Variants in MINDY4 observed in about 807,000 individuals in gnomAD.
MINDY4 encodes the protein MINDY lysine 48 deubiquitinase 4.
In MINDY4, 68 loss-of-function variants were observed where a neutral mutation model predicts 87.0. The ratio of observed to expected loss-of-function variants is 0.78; its 90% CI spans 0.64 to 0.96. The LOEUF (loss-of-function observed/expected upper bound fraction) is 0.96, where lower values mean the gene tolerates loss of function less well. Ranked by LOEUF, MINDY4 falls within the 40% of genes least tolerant of loss-of-function variation. MINDY4 has a pLI of 0.00. For missense variants in MINDY4, 919 were observed against 928.2 expected (o/e 0.99, Z 0.13); for synonymous variants, 379 against 363.2 (o/e 1.04, Z -0.50).
rs908665992 is a variant in MINDY4, at chr7:30,861,269, A to G, written c.1745+1945A>G. ...CCCCTCTCCTAAGACGACAGTGTGT[A>G]GGCAGGTCTCATTGCCAGCGGTAAG... is the stretch of plus-strand genomic sequence containing the variant. On this transcript the variant is annotated intron_variant, in intron 13 of 17. Coordinates refer to ENST00000265299, the MANE Select transcript of MINDY4 (RefSeq NM_032222.3). Among the ~76,000 whole-genome samples the G allele has an allele frequency of 2.0e-5, 3 of 152,194 alleles. No individual in the cohort carries two copies. The East Asian group carries it at 5.8e-4, about 29-fold the overall frequency.
chr7:30,886,220 G>C lies in MINDY4; in HGVS notation c.2225+3227G>C, dbSNP rs148040467. ...TGGGGCTGCAGGGTAGGCCAGTCTG[G>C]TGGGCAGGTAGAATTCCCCCACATC... On this transcript the variant is annotated intron_variant, in intron 17 of 17. Transcript: ENST00000265299. Among the ~76,000 whole-genome samples the C allele has an allele frequency of 2.3e-3, 348 of 152,306 alleles. 1 individual carries two copies. Among genetic ancestry groups the C allele is most frequent in the African/African-American group, 8.0e-3 (334 of 41,556 alleles).
intron 5 of MINDY4, among the ~76,000 whole-genome samples, chr7:30,793,190 G>A (rs1787377617): frequency 6.9e-6 from 1 of 143,920 alleles, no homozygotes; most frequent in African/African-American, 2.6e-5. Context: ...CTTTATGATT[G>A]CAATCCTTTG....
intron 13 of MINDY4, among the ~76,000 whole-genome samples, chr7:30,862,346 G>A (rs1422406707): frequency 6.6e-6 from 1 of 152,230 alleles, no homozygotes; most frequent in African/African-American, 2.4e-5. Context: ...CAGATAATGT[G>A]CTAGCATTCC....
At chr7:30,785,269 GACACACACAC>G (rs3138796) in intron 3 of MINDY4, among the ~76,000 whole-genome samples, 7,251 of 138,432 alleles carry the variant, frequency 0.052, 204 homozygotes, top group Middle Eastern at 0.11. Context: ...CTCTCTCTCT[GACACACACAC>G]ACACACACAC....
chr7:30,886,396 C>T (rs906209435), intron 17 of MINDY4, among the ~76,000 whole-genome samples: 2 of 152,232 alleles, frequency 1.3e-5, no homozygotes. Context: ...CACCACCCAC[C>T]CTTAAACCCA....
rs540867736 is a variant in MINDY4 at position 30,889,270 on chromosome 7, A to T, written c.2226-2687A>T. Among the ~76,000 whole-genome samples the T allele has an allele frequency of 2.0e-5, 3 of 152,374 alleles. No individual in the cohort carries two copies. In the South Asian group the frequency reaches 6.2e-4, roughly 32 times the overall value. On this transcript the variant is annotated intron_variant, in intron 17 of 17. Transcript: ENST00000265299. ...AGAAAATTGAAAATCTCAAATGCTC[A>T]TCGTGTTGCTGCAGATTGCTAAGGT... is the stretch of plus-strand genomic sequence containing the variant.
intron 5 of MINDY4, among the ~76,000 whole-genome samples, chr7:30,805,257 C>T (rs1162907922): frequency 6.6e-6 from 1 of 152,086 alleles, no homozygotes; most frequent in Non-Finnish European, 1.5e-5. Context: ...TCAAGGAGGA[C>T]TGTGGGCCTG....
chr7:30,824,160 G>A (rs1330473953), intron 5 of MINDY4, among the ~76,000 whole-genome samples: 2 of 152,192 alleles, frequency 1.3e-5, no homozygotes, highest in African/African-American at 4.8e-5. Flanking sequence ...GAAAGTCCGA[G>A]GATGGGAGGT....
intron 12 of MINDY4, among the ~76,000 whole-genome samples, chr7:30,855,844 C>G (rs1438851402): frequency 1.3e-5 from 2 of 152,218 alleles, no homozygotes; most frequent in Admixed American, 1.3e-4. Flanking sequence ...ATATTCGGCC[C>G]TCCTCACTCT....
At chr7:30,818,869 T>C (rs1280628905) in intron 5 of MINDY4, among the ~76,000 whole-genome samples, 5 of 152,228 alleles carry the variant, frequency 3.3e-5, no homozygotes, top group East Asian at 1.9e-4. Context: ...TTTGAACTTA[T>C]TCATACTAGT....
chr7:30,868,308 G>C (rs889102429), intron 13 of MINDY4, among the ~76,000 whole-genome samples: 2 of 152,152 alleles, frequency 1.3e-5, no homozygotes, highest in African/African-American at 4.8e-5. Flanking sequence ...TCCTAGTCCT[G>C]CCTACTCTGT....
chr7:30,828,427 C>T (rs922779942), intron 5 of MINDY4, among the ~76,000 whole-genome samples: 3 of 152,038 alleles, frequency 2.0e-5, no homozygotes, highest in African/African-American at 7.3e-5. Context: ...CAGAGCTGAC[C>T]ATCCTGTATT....
At chr7:30,772,281 A>C (rs1337286925) in intron 1 of MINDY4, among the ~76,000 whole-genome samples, 1 of 152,158 alleles carries the variant, frequency 6.6e-6, no homozygotes, top group African/African-American at 2.4e-5. Context: ...CTGTCCTTGC[A>C]GTGTCATACT....
At chr7:30,852,364 T>G in intron 11 of MINDY4, 85 bp downstream of exon 11, 2 of 1,598,862 alleles carry the variant, frequency 1.3e-6, no homozygotes, top group East Asian at 2.3e-5. Context: ...CTTCCTCAGC[T>G]GGGGACAGGC....
chr7:30,886,660 C>T (rs1790640549), intron 17 of MINDY4, among the ~76,000 whole-genome samples: 1 of 152,248 alleles, frequency 6.6e-6, no homozygotes, highest in South Asian at 2.1e-4. Flanking sequence ...CACCACCTGG[C>T]TTTGTTGCCT....
chr7:30,852,395 C>G, intron 11 of MINDY4, 116 bp downstream of exon 11: 2 of 1,538,278 alleles, frequency 1.3e-6, no homozygotes, highest in Non-Finnish European at 1.8e-6. Flanking sequence ...CAGCCCAGGT[C>G]CCAGGAATCC....
intron 4 of MINDY4, 169 bp downstream of exon 4, chr7:30,786,161 A>G (rs1221463246): frequency 5.8e-6 from 5 of 869,538 alleles, no homozygotes; most frequent in Admixed American, 2.7e-5. Flanking sequence ...TCTACTGTCA[A>G]TGACACGTGG....
chr7:30,785,928 C>A lies in MINDY4; in HGVS notation c.599C>A (p.Ser200Tyr), dbSNP rs75843887. ...SLDVKRMGENSRPKSGLIVRG... is the reference protein window; with the variant it reads ...SLDVKRMGENYRPKSGLIVRG... ...GATGTGAAGAGGATGGGAGAGAATTCCAGGCCAAAGTCTGGTCTGATTGTG... is the reference window on the plus strand; with the variant it reads ...GATGTGAAGAGGATGGGAGAGAATTACAGGCCAAAGTCTGGTCTGATTGTG... The change falls in exon 4 of 18, where the codon TCC (serine) becomes TAC (tyrosine). Residue 200 changes from serine to tyrosine, a missense_variant. By Grantham distance (144) the Ser-to-Tyr change is moderately radical. Transcript: ENST00000265299. 8.0e-3 allele frequency: 12,953 copies of A among 1,614,172 alleles called. 83 individuals are homozygous for A. The highest frequency in any genetic ancestry group is 8.9e-3 in the Non-Finnish European group (10,559 of 1,180,038).
At chr7:30,836,516 T>C in intron 6 of MINDY4, 142 bp from the exon 7 acceptor site, 1 of 693,046 alleles carries the variant, frequency 1.4e-6, no homozygotes, top group Non-Finnish European at 2.5e-6. Context: ...AGAACAGAGC[T>C]GGGGTGAATG....
Sources: allele counts gnomAD v4.1 joint callset (sites outside exome capture counted in the v4.1 genomes callset), GRCh38; gene constraint gnomAD v4.1.1; transcripts MANE v1.5; gene names NCBI Gene and HGNC (gene_info 2026-07-23, HGNC 2026-07-21).